LY6S: variants seen among roughly 807,000 people sequenced by gnomAD.
LY6S encodes the protein lymphocyte antigen 6 family member S.
chr8:143,043,246 A>G, the LY6S span: 1 of 1,365,450 alleles, frequency 7.3e-7, no homozygotes, highest in Non-Finnish European at 9.8e-7. Context: ...GAGATCTGGG[A>G]GTCCACAACG....
the LY6S span, among the ~76,000 whole-genome samples, chr8:143,060,601 T>C: frequency 6.6e-6 from 1 of 152,186 alleles, no homozygotes; most frequent in African/African-American, 2.4e-5. Flanking sequence ...TGACTCACAC[T>C]CCTTACCCTG....
chr8:143,049,483 C>T, the LY6S span, among the ~76,000 whole-genome samples: 421 of 152,278 alleles, frequency 2.8e-3, 3 homozygotes, highest in African/African-American at 9.0e-3. Context: ...GGCCTTACAA[C>T]GGAACCCGGC....
the LY6S span, among the ~76,000 whole-genome samples, chr8:143,073,042 G>A: frequency 6.3e-5 from 6 of 95,604 alleles, no homozygotes; most frequent in South Asian, 3.4e-4. Context: ...CCTGTTTGAG[G>A]AGACAGCCGT....
At chr8:143,072,244 G>A in the LY6S span, among the ~76,000 whole-genome samples, 4 of 108,918 alleles carry the variant, frequency 3.7e-5, no homozygotes, top group African/African-American at 1.4e-4. Context: ...CGTCGTCCTC[G>A]GGGTCCCTGT....
chr8:143,075,033 A>G, the LY6S span, among the ~76,000 whole-genome samples: 1 of 152,248 alleles, frequency 6.6e-6, no homozygotes, highest in Non-Finnish European at 1.5e-5. This position sits in a 1 kb window ranked among gnomAD's most constrained non-coding sequence, Gnocchi z 4.1. Context: ...CTCTTTCCTC[A>G]TGCTAACTGG....
At chr8:143,043,029 T>C in the LY6S span, 3 of 1,367,720 alleles carry the variant, frequency 2.2e-6, no homozygotes, top group African/African-American at 1.5e-5. Flanking sequence ...CCAGAATTCC[T>C]GCAATTCAGT....
At chr8:143,042,648 G>A in the LY6S span, 1 of 236,464 alleles carries the variant, frequency 4.2e-6, no homozygotes, top group Non-Finnish European at 8.5e-6. Context: ...CCTTGAGAGG[G>A]AGGCCCTCAT....
the LY6S span, among the ~76,000 whole-genome samples, chr8:143,040,975 CAG>C: frequency 6.6e-6 from 1 of 152,044 alleles, no homozygotes; most frequent in Admixed American, 6.6e-5. Context: ...ATGTGGGTCA[CAG>C]AGATCACATG....
the LY6S span, among the ~76,000 whole-genome samples, chr8:143,041,256 C>T: frequency 5.9e-5 from 9 of 152,196 alleles, no homozygotes; most frequent in Non-Finnish European, 1.3e-4. Flanking sequence ...AGGCAGCCGT[C>T]CCCAAAGCAG....
the LY6S span, chr8:143,043,076 C>A: frequency 7.3e-7 from 1 of 1,367,672 alleles, no homozygotes; most frequent in Non-Finnish European, 9.8e-7. Flanking sequence ...TGGTGACGCA[C>A]AGGGACAGAG....
chr8:143,047,187 T>G, the LY6S span, among the ~76,000 whole-genome samples: 1 of 151,438 alleles, frequency 6.6e-6, no homozygotes, highest in Non-Finnish European at 1.5e-5. Flanking sequence ...TTACCCAGGC[T>G]GGAGTGCAAT....
the LY6S span, among the ~76,000 whole-genome samples, chr8:143,076,009 G>T: frequency 1.3e-5 from 2 of 151,968 alleles, no homozygotes; most frequent in South Asian, 2.1e-4. Context: ...CAAAATCCTT[G>T]CTCACTGTTG....
chr8:143,065,742 TTC>T, the LY6S span, among the ~76,000 whole-genome samples: 24,883 of 148,786 alleles, frequency 0.17, 2,861 homozygotes, highest in African/African-American at 0.29. Context: ...TTCTCTTTCT[TTC>T]TCTTTCTTTC....
chr8:143,070,381 ATATATATATT>A, the LY6S span, among the ~76,000 whole-genome samples: 1 of 100,438 alleles, frequency 1.0e-5, no homozygotes, highest in Non-Finnish European at 1.9e-5. Context: ...ATATATAAAT[ATATATATATT>A]TATATATATT....
At chr8:143,050,916 G>C in the LY6S span, among the ~76,000 whole-genome samples, 8 of 152,260 alleles carry the variant, frequency 5.3e-5, no homozygotes, top group Non-Finnish European at 1.0e-4. Context: ...ACCAGGGCCC[G>C]GCTCGGGGTC....
At chr8:143,040,839 G>C in the LY6S span, among the ~76,000 whole-genome samples, 2,208 of 152,300 alleles carry the variant, frequency 0.014, 55 homozygotes, top group African/African-American at 0.052. Context: ...ACAAAAGAGA[G>C]AAATTTCAAA....
chr8:143,052,678 G>A, the LY6S span, among the ~76,000 whole-genome samples: 1 of 152,118 alleles, frequency 6.6e-6, no homozygotes, highest in South Asian at 2.1e-4. Context: ...CAGGGAGCTC[G>A]AGCTTTGGGA....
chr8:143,049,407 C>T, the LY6S span: 1 of 408,300 alleles, frequency 2.4e-6, no homozygotes, highest in Non-Finnish European at 5.0e-6. Context: ...CATCGCCATC[C>T]CGCAGCTCCG....
chr8:143,067,922 G>C, the LY6S span, among the ~76,000 whole-genome samples: 9 of 152,324 alleles, frequency 5.9e-5, no homozygotes, highest in African/African-American at 2.2e-4. Context: ...CTAACGGTCA[G>C]CTTTACACTG....
Sources: gnomAD v4.1 joint callset for allele counts (sites outside exome capture counted in the v4.1 genomes callset) on GRCh38, gnomAD v4.1.1 for gene constraint, Gnocchi (gnomAD v3.1) non-coding constraint, MANE v1.5 for transcripts, NCBI Gene and HGNC (gene_info 2026-07-23, HGNC 2026-07-21) for gene names.